Variants in CPD observed in about 807,000 individuals in gnomAD.
The protein encoded by CPD is carboxypeptidase D.
CPD carries 69 observed loss-of-function variants against 138.3 expected under a neutral mutation model. The observed-to-expected ratio is 0.50, with a 90% CI of 0.41 to 0.61. The LOEUF is 0.61. Among genes scored for constraint, CPD ranks in the 20% least tolerant of loss-of-function variants. The probability of loss-of-function intolerance (pLI) is 0.00; values close to 1 mark genes in which losing one functional copy is unlikely to be tolerated. For missense variants in CPD, 1,432 were observed against 1,733.3 expected (o/e 0.83, Z 3.09); for synonymous variants, 651 against 642.1 (o/e 1.01, Z -0.21).
intron 2 of CPD, among the ~76,000 whole-genome samples, chr17:30,417,300 C>A (rs537508149): frequency 1.3e-5 from 2 of 152,116 alleles, no homozygotes; most frequent in African/African-American, 2.4e-5. Context: ...TCCCCAAGCA[C>A]CTAGAATAGT....
intron 9 of CPD, among the ~76,000 whole-genome samples, chr17:30,442,107 A>G (rs919234159): frequency 6.6e-6 from 1 of 152,026 alleles, no homozygotes; most frequent in East Asian, 1.9e-4. Flanking sequence ...TTGGTCTATT[A>G]AGAGATTCAA....
At position 30,461,877 on chromosome 17, in the gene CPD, G is replaced by C. The variant is rs1271897448; in HGVS notation, c.3631G>C (p.Val1211Leu). The change falls in exon 19 of 21, where the codon GTT becomes CTT. Residue 1211 changes from valine to leucine, a missense_variant and splice_region_variant. Physicochemically the swap from Val to Leu is conservative, Grantham distance 32. Around this residue, in one of 6 missense-constraint regions of CPD, gnomAD observed 366 missense variants for 518.8 expected, o/e 0.71. Transcript: ENST00000225719. ...KRSLLSMLVE[V>L]HKGVHGFVKD... is the part of the protein sequence containing the mutation. ...ATTTATATTTTAAACATTTTTTCAGGTTCACAAGGGAGTTCATGGATTTGT... is the reference window on the plus strand; with the variant it reads ...ATTTATATTTTAAACATTTTTTCAGCTTCACAAGGGAGTTCATGGATTTGT... 1.3e-6 allele frequency: 2 copies of C among 1,583,296 alleles called. No individual in the cohort carries two copies. Among genetic ancestry groups the C allele is most frequent in the Non-Finnish European group, 1.7e-6 (2 of 1,166,700 alleles).
rs1912251998 is a variant in CPD at position 30,420,993 on chromosome 17, G to C, written c.1137+10G>C. On this transcript the variant is annotated intron_variant, in intron 3 of 20. Transcript: ENST00000225719. ...CACATTGATTGAAAAGGTAAAAGTA[G>C]ATGACTGGAATGTTGGGGTATAGAA... 6.2e-6 allele frequency: 10 copies of C among 1,611,032 alleles called. No homozygotes were observed. The Middle Eastern group carries it at 4.9e-4, about 80-fold the overall frequency.
chr17:30,415,770 A>C (rs1002061171), intron 2 of CPD, among the ~76,000 whole-genome samples: 4 of 152,200 alleles, frequency 2.6e-5, no homozygotes, highest in African/African-American at 9.7e-5. Flanking sequence ...GATAAAGAAA[A>C]GTTTGTATAT....
Position 30,442,403 on chromosome 17 carries a change from A to G in CPD, c.2326A>G (p.Asn776Asp), listed in dbSNP as rs777139738. The change falls in exon 10 of 21, where the codon AAC (asparagine) becomes GAC (aspartate). Residue 776 changes from asparagine (N) to aspartate (D), a missense_variant. Physicochemically the swap from Asn to Asp is conservative, Grantham distance 23. Around this residue, in one of 6 missense-constraint regions of CPD, gnomAD observed 297 missense variants for 405.3 expected, o/e 0.73. Transcript: ENST00000225719. ...ATATCCACTTGAGAAAGAGCTGCCA[A>G]ACTTTTGGGAACAGAATCGAAGATC... ...VKYPLEKELP[N>D]FWEQNRRSLI... The G allele has an allele frequency of 1.9e-6, 3 of 1,613,498 alleles. No homozygotes were observed. In the South Asian group the frequency reaches 3.3e-5, roughly 18 times the overall value.
intron 11 of CPD, among the ~76,000 whole-genome samples, chr17:30,445,441 G>A (rs957126688): frequency 7.2e-5 from 11 of 151,918 alleles, no homozygotes; most frequent in African/African-American, 2.4e-4. Context: ...CTCCAGCCTG[G>A]GTGACAGAGC....
rs749509076 is a variant in CPD, at chr17:30,449,710, C to A, written c.3031C>A (p.Leu1011Ile). The A allele has an allele frequency of 5.7e-6, 9 of 1,584,338 alleles. No homozygotes were observed. In the South Asian group the frequency reaches 1.1e-4, roughly 19 times the overall value. ...TELLLALAEF[L>I]CLNYKKNPAV... ...ACTGCTTTTGGCTCTGGCAGAATTT[C>A]TCTGCCTGAACTACAAAAAGAACCC... The change falls in exon 13 of 21, where the codon CTC (leucine) becomes ATC (isoleucine). Residue 1011 changes from leucine (L) to isoleucine (I), a missense_variant. Leu to Ile is a conservative substitution (Grantham distance 5). This residue lies in a region of CPD where 366 missense variants were observed against 518.8 expected (regional missense o/e 0.71). Transcript: ENST00000225719.
At chr17:30,380,766 C>A in intron 1 of CPD, 2 of 609,236 alleles carry the variant, frequency 3.3e-6, no homozygotes, top group Non-Finnish European at 5.4e-6. Flanking sequence ...CAGAGATGGG[C>A]AGGATTTTCA....
rs71138888 is a variant in CPD at position 30,439,368 on chromosome 17, C to CTTTT, written c.2230+296_2230+299dup. ...GAAGAGTGTAAGCTATATTTGAATT[C>CTTTT]TTTTTTTTCTTTACAACGTTACTTT... On this transcript the variant is annotated intron_variant, in intron 9 of 20. Coordinates refer to ENST00000225719, the MANE Select transcript of CPD (RefSeq NM_001304.5). Among the ~76,000 whole-genome samples the CTTTT allele has an allele frequency of 7.3e-3, 1,031 of 140,800 alleles. 8 individuals are homozygous for CTTTT. The highest frequency in any genetic ancestry group is 0.011 in the African/African-American group (435 of 37,870). The allele number at this position is 140,800 out of a possible 152,430, so 92.4% of individuals were successfully genotyped here. A position where few individuals can be genotyped will look rare whatever the true frequency, so the allele number is the denominator to read the frequency against.
intron 17 of CPD, among the ~76,000 whole-genome samples, chr17:30,458,275 C>A (rs1913354177): frequency 6.6e-6 from 1 of 152,162 alleles, no homozygotes; most frequent in Non-Finnish European, 1.5e-5. Context: ...ACATGATTTG[C>A]AAGTATTTTC....
chr17:30,393,166 T>C (rs1035924750), intron 2 of CPD, among the ~76,000 whole-genome samples: 1 of 152,246 alleles, frequency 6.6e-6, no homozygotes, highest in Non-Finnish European at 1.5e-5. Flanking sequence ...CAGTTTTTTG[T>C]GTGAATATCA....
chr17:30,406,138 T>C lies in CPD; in HGVS notation c.995-14703T>C, dbSNP rs533309732. On this transcript the variant is annotated intron_variant, in intron 2 of 20. Transcript: ENST00000225719. ...CATCTTTTTATTTCCAGTGTCATTT[T>C]ACATGACTTTTTATTTAACTTAAAT... Among the ~76,000 whole-genome samples, 12 of 152,212 alleles carry C rather than the reference T, an allele frequency of 7.9e-5. No individual in the cohort carries two copies. In the South Asian group the frequency reaches 2.5e-3, roughly 32 times the overall value.
At chr17:30,437,872 T>C (rs1912746199) in intron 8 of CPD, among the ~76,000 whole-genome samples, 1 of 152,128 alleles carries the variant, frequency 6.6e-6, no homozygotes, top group East Asian at 1.9e-4. Context: ...AGTCTTGCTT[T>C]GTCACCCAGG....
At chr17:30,462,988 G>C (rs1913531570) in intron 20 of CPD, among the ~76,000 whole-genome samples, 1 of 152,228 alleles carries the variant, frequency 6.6e-6, no homozygotes, top group South Asian at 2.1e-4. Flanking sequence ...ACGCCTTTAA[G>C]CAGTTTTCCG....
At chr17:30,427,840 CT>C (rs1463476898) in intron 7 of CPD, among the ~76,000 whole-genome samples, 56 of 151,106 alleles carry the variant, frequency 3.7e-4, no homozygotes, top group Non-Finnish European at 4.4e-5. Context: ...CCTACTACTT[CT>C]CTTTCCCTTC....
chr17:30,444,685 G>C (rs733575), intron 11 of CPD, among the ~76,000 whole-genome samples: 1 of 151,636 alleles, frequency 6.6e-6, no homozygotes, highest in Admixed American at 6.6e-5. Flanking sequence ...CACCACACCC[G>C]ACTAATTTTT....
intron 8 of CPD, among the ~76,000 whole-genome samples, chr17:30,436,985 G>T (rs1211301332): frequency 6.6e-6 from 1 of 152,162 alleles, no homozygotes; most frequent in East Asian, 1.9e-4. Flanking sequence ...CAACTTGAAT[G>T]AACCTTAAAA....
chr17:30,444,145 A>AG, intron 11 of CPD, 174 bp downstream of exon 11: 1 of 170,912 alleles, frequency 5.9e-6, no homozygotes, highest in South Asian at 1.7e-4. Context: ...AGAGTACACG[A>AG]AAAAAAAAAA....
chr17:30,400,086 CT>C (rs1486277773), intron 2 of CPD, among the ~76,000 whole-genome samples: 3 of 152,022 alleles, frequency 2.0e-5, no homozygotes, highest in Non-Finnish European at 4.4e-5. Flanking sequence ...CAATTCCTGT[CT>C]TTTAGTTGGT....
Sources: gnomAD v4.1 joint callset for allele counts (sites outside exome capture counted in the v4.1 genomes callset) on GRCh38, gnomAD v4.1.1 for gene constraint, gnomAD v4.1.1 regional missense constraint, MANE v1.5 for transcripts, NCBI Gene and HGNC (gene_info 2026-07-23, HGNC 2026-07-21) for gene names.